Variants in ARFIP2 observed in about 807,000 individuals in gnomAD.
The protein encoded by ARFIP2 is arfaptin-2.
A neutral mutation model predicts 39.2 loss-of-function variants in ARFIP2; 14 were observed. The ratio of observed to expected loss-of-function variants is 0.36; its 90% CI spans 0.24 to 0.56. ARFIP2 has a LOEUF of 0.56. Ranked by LOEUF, ARFIP2 falls within the 20% of genes least tolerant of loss-of-function variation. ARFIP2 has a pLI of 0.85. For synonymous variants in ARFIP2, 167 were observed against 172.4 expected, an observed-to-expected ratio of 0.97 and a Z score of 0.24; for missense variants, 305 against 422.5, an observed-to-expected ratio of 0.72 and a Z score of 2.44.
chr11:6,480,992 C>A (rs142588031), intron 1 of ARFIP2: 131 of 178,760 alleles, frequency 7.3e-4, no homozygotes, highest in African/African-American at 3.0e-3. Flanking sequence ...CCCTCCCCAC[C>A]AGGCCTTAGT....
At position 6,477,034 on chromosome 11, in the gene ARFIP2, G is replaced by A; in HGVS notation, c.*79C>T. 6.8e-7 allele frequency: 1 copy of A among 1,464,002 alleles called. No homozygotes were observed. Among genetic ancestry groups the A allele is most frequent in the East Asian group, 2.4e-5 (1 of 41,134 alleles). The allele number at this position is 1,464,002 out of a possible 1,614,324, so 90.7% of individuals were successfully genotyped here. A position where few individuals can be genotyped will look rare whatever the true frequency, so the allele number is the denominator to read the frequency against. ...AGCCAGAGGGCAAGTGACAAAGGATGTACCATGTCCAATCTCCCACACCCT... is the reference window on the plus strand; with the variant it reads ...AGCCAGAGGGCAAGTGACAAAGGATATACCATGTCCAATCTCCCACACCCT... On this transcript the variant is annotated 3_prime_UTR_variant, in exon 8 of 8. Coordinates refer to ENST00000396777, the MANE Select transcript of ARFIP2 (RefSeq NM_001376558.2). This position sits in a 1 kb window ranked among gnomAD's most constrained non-coding sequence, Gnocchi z 4.8.
intron 3 of ARFIP2, chr11:6,479,602 CT>C: frequency 1.8e-6 from 1 of 568,164 alleles, no homozygotes; most frequent in Non-Finnish European, 3.1e-6. Context: ...CATGTGGAAT[CT>C]TAGTGTGAGA....
At position 6,481,281 on chromosome 11, in the gene ARFIP2, G is replaced by A. The variant is rs1851743710; in HGVS notation, c.-93C>T. 1 of 641,726 alleles carries A rather than the reference G, an allele frequency of 1.6e-6. No individual in the cohort carries two copies. The highest frequency in any genetic ancestry group is 2.7e-6 in the Non-Finnish European group (1 of 375,830). 39.8% of individuals were successfully genotyped at this position (641,726 alleles called of 1,614,324 possible). ...AGGGCGCCAGGCCCGGGCCGCGCGG[G>A]GACCTCGGGCTCCAGTTCCCGTCGC... is the stretch of plus-strand genomic sequence containing the variant. On this transcript the variant is annotated 5_prime_UTR_variant, in exon 1 of 8. Transcript: ENST00000396777.
In ARFIP2 at chr11:6,477,080, C is replaced by A. The variant is rs1462025610; in HGVS notation, c.*33G>T. ...ACCCTGGGGCTGCCCTTCCCAATGT[C>A]TTTCTTGATAGCCAAGTTGGGCTGG... On this transcript the variant is annotated 3_prime_UTR_variant, in exon 8 of 8. Coordinates refer to ENST00000396777, the MANE Select transcript of ARFIP2 (RefSeq NM_001376558.2). The surrounding 1 kb of genome is among the most constrained non-coding windows in gnomAD (Gnocchi z 4.8). 3.1e-6 allele frequency: 5 copies of A among 1,590,986 alleles called. No homozygotes were observed. Among genetic ancestry groups the A allele is most frequent in the African/African-American group, 2.7e-5 (2 of 74,514 alleles).
rs972311713 is a variant in ARFIP2, at chr11:6,478,268, T to A, written c.538-70A>T. On this transcript the variant is annotated intron_variant, in intron 5 of 7. Transcript: ENST00000396777. This position sits in a 1 kb window ranked among gnomAD's most constrained non-coding sequence, Gnocchi z 4.8. ...CTGACTGAAGCTGTAGAGCCCTTCA[T>A]TCCCCTCCTCCCCGGGGAGGACACA... 4 of 1,564,106 alleles carry A rather than the reference T, an allele frequency of 2.6e-6. No individual in the cohort carries two copies. Among genetic ancestry groups the A allele is most frequent in the Non-Finnish European group, 3.5e-6 (4 of 1,141,518 alleles).
Position 6,478,953 on chromosome 11 carries a change from T to G in ARFIP2, c.322A>C (p.Lys108Gln). ...KWGINTYKCTKQLLSERFGRG... is the reference protein window; with the variant it reads ...KWGINTYKCTQQLLSERFGRG... ...CCAAATCGTTCTGATAACAGTTGCT[T>G]TGTGCACTGATTGGGAAATGGGGGA... Residue 108 changes from lysine (K) to glutamine (Q), a missense_variant, in exon 5 of 8, where the codon AAG becomes CAG. By Grantham distance (53) the Lys-to-Gln change is moderately conservative. This residue lies in a region of ARFIP2 where 151 missense variants were observed against 203.1 expected (regional missense o/e 0.74). Coordinates refer to ENST00000396777, the MANE Select transcript of ARFIP2 (RefSeq NM_001376558.2). The surrounding 1 kb of genome is among the most constrained non-coding windows in gnomAD (Gnocchi z 4.8). The G allele has an allele frequency of 6.2e-7, 1 of 1,613,964 alleles. No homozygotes were observed. The highest frequency in any genetic ancestry group is 8.5e-7 in the Non-Finnish European group (1 of 1,179,870).
At position 6,477,380 on chromosome 11, in the gene ARFIP2, T is replaced by C. The variant is rs1003293859; in HGVS notation, c.871-112A>G. The C allele has an allele frequency of 6.2e-6, 8 of 1,299,044 alleles. No individual in the cohort carries two copies. The highest frequency in any genetic ancestry group is 2.7e-4 in the Middle Eastern group (1 of 3,672). The allele number at this position is 1,299,044 out of a possible 1,614,324, so 80.5% of individuals were successfully genotyped here. A position where few individuals can be genotyped will look rare whatever the true frequency, so the allele number is the denominator to read the frequency against. ...CACAAGGACTCTGCTCTGATGGTGC[T>C]TTTGGGGTAGGGGCTGAACTCTACC... On this transcript the variant is annotated intron_variant, in intron 7 of 7. Transcript: ENST00000396777. This position sits in a 1 kb window ranked among gnomAD's most constrained non-coding sequence, Gnocchi z 4.8.
At chr11:6,481,000 AGTTAGATC>A (rs1851698262) in intron 1 of ARFIP2, 1 of 187,694 alleles carries the variant, frequency 5.3e-6, no homozygotes, top group Non-Finnish European at 1.1e-5. Context: ...ACCAGGCCTT[AGTTAGATC>A]AGTGGGTGTA....
At chr11:6,480,576 C>T in intron 1 of ARFIP2, 113 bp from the exon 2 acceptor site, 1 of 595,868 alleles carries the variant, frequency 1.7e-6, no homozygotes, top group Non-Finnish European at 2.9e-6. Flanking sequence ...CAGCGTTTGG[C>T]CATCATTCCT....
intron 3 of ARFIP2, 188 bp from the exon 4 acceptor site, chr11:6,479,446 T>C (rs1321718240): frequency 1.8e-6 from 2 of 1,111,594 alleles, no homozygotes; most frequent in African/African-American, 3.1e-5. Context: ...CTGATATACA[T>C]ATGGCCTCCT....
intron 3 of ARFIP2, chr11:6,479,605 A>C: frequency 1.8e-6 from 1 of 567,844 alleles, no homozygotes; most frequent in Non-Finnish European, 3.1e-6. Context: ...GTGGAATCTT[A>C]GTGTGAGATT....
Position 6,478,542 on chromosome 11 carries a change from C to G in ARFIP2, c.537+196G>C. 7.0e-7 allele frequency: 1 copy of G among 1,426,360 alleles called. No individual in the cohort carries two copies. 88.4% of individuals were successfully genotyped at this position (1,426,360 alleles called of 1,614,324 possible). A position where few individuals can be genotyped will look rare whatever the true frequency, so the allele number is the denominator to read the frequency against. On this transcript the variant is annotated intron_variant, in intron 5 of 7. Transcript: ENST00000396777. This position sits in a 1 kb window ranked among gnomAD's most constrained non-coding sequence, Gnocchi z 4.8. ...TTGTGAGGCACCTAGTGTGCCCCCT[C>G]CCCCACCCCCTCCAACTTCTGGACC...
In ARFIP2 at chr11:6,478,566, C is replaced by A. The variant is rs1484129413; in HGVS notation, c.537+172G>T. 3.5e-6 allele frequency: 5 copies of A among 1,439,250 alleles called. No individual in the cohort carries two copies. Among genetic ancestry groups the A allele is most frequent in the Non-Finnish European group, 4.5e-6 (5 of 1,100,082 alleles). 89.2% of individuals were successfully genotyped at this position (1,439,250 alleles called of 1,614,324 possible). A position where few individuals can be genotyped will look rare whatever the true frequency, so the allele number is the denominator to read the frequency against. On this transcript the variant is annotated intron_variant, in intron 5 of 7. Transcript: ENST00000396777. The surrounding 1 kb of genome is among the most constrained non-coding windows in gnomAD (Gnocchi z 4.8). ...TCCCCCACCCCCTCCAACTTCTGGACCTCTGTACAAACCCTTAGGCTGCCT... is the reference window on the plus strand; with the variant it reads ...TCCCCCACCCCCTCCAACTTCTGGAACTCTGTACAAACCCTTAGGCTGCCT...
chr11:6,479,925 T>A, intron 3 of ARFIP2, 47 bp downstream of exon 3: 1 of 1,565,574 alleles, frequency 6.4e-7, no homozygotes, highest in South Asian at 1.1e-5. Context: ...CCCAAACCAT[T>A]CCTGTCCCCT....
rs1851132428 is a variant in ARFIP2 at position 6,476,913 on chromosome 11, T to C, written c.*200A>G. On this transcript the variant is annotated 3_prime_UTR_variant, in exon 8 of 8. Transcript: ENST00000396777. Reference sequence around the variant, plus strand: ...GAATGAAGCCCTGTGGCCAGGAAGATAGACAGGGCAGCAACTTCTGGGCCT... The same window carrying C: ...GAATGAAGCCCTGTGGCCAGGAAGACAGACAGGGCAGCAACTTCTGGGCCT... 5.3e-6 allele frequency: 3 copies of C among 565,246 alleles called. No individual in the cohort carries two copies. Among genetic ancestry groups the C allele is most frequent in the Admixed American group, 6.7e-5 (2 of 29,870 alleles). The allele number at this position is 565,246 out of a possible 1,614,324, so 35.0% of individuals were successfully genotyped here. A position where few individuals can be genotyped will look rare whatever the true frequency, so the allele number is the denominator to read the frequency against.
chr11:6,479,305 A>G (rs1300224059), intron 3 of ARFIP2, 47 bp from the exon 4 acceptor site: 1 of 1,613,220 alleles, frequency 6.2e-7, no homozygotes, highest in Non-Finnish European at 8.5e-7. Context: ...GATACACCAG[A>G]CACCTCTGTG....
chr11:6,481,243 C>A lies in ARFIP2; in HGVS notation c.-55G>T. The A allele has an allele frequency of 1.7e-6, 1 of 590,534 alleles. No homozygotes were observed. Among genetic ancestry groups the A allele is most frequent in the East Asian group, 2.8e-5 (1 of 35,228 alleles). 36.6% of individuals were successfully genotyped at this position (590,534 alleles called of 1,614,324 possible). On this transcript the variant is annotated 5_prime_UTR_variant, in exon 1 of 8. Coordinates refer to ENST00000396777, the MANE Select transcript of ARFIP2 (RefSeq NM_001376558.2). ...ATGTTCCTCTCACCTCGGGCCGGGC[C>A]GCTCTTCCCCTCAGGGCGCCAGGCC...
chr11:6,477,155 C>A lies in ARFIP2; in HGVS notation c.984G>T (p.Arg328=). The part of the protein sequence containing the change: ...QTLQQFNIKL[R]PPGAEKPSWL... ...AGGAGGGTTTCTCAGCTCCTGGAGG[C>A]CGCAGCTTGATGTTGAACTGCTGCA... The change falls in exon 8 of 8, where the codon CGG becomes CGT. Residue 328 remains arginine, a synonymous_variant. Transcript: ENST00000396777. This position sits in a 1 kb window ranked among gnomAD's most constrained non-coding sequence, Gnocchi z 4.8. 6.2e-7 allele frequency: 1 copy of A among 1,611,760 alleles called. No homozygotes were observed. Among genetic ancestry groups the A allele is most frequent in the Non-Finnish European group, 8.5e-7 (1 of 1,178,768 alleles).
At chr11:6,480,171 A>G (rs1026097812) in intron 2 of ARFIP2, 103 bp from the exon 3 acceptor site, 69 of 1,295,694 alleles carry the variant, frequency 5.3e-5, no homozygotes, top group Non-Finnish European at 7.3e-5. Flanking sequence ...GATAGTACAC[A>G]AGGGAAGTCT....
Sources: gnomAD v4.1 joint callset for allele counts on GRCh38, gnomAD v4.1.1 for gene constraint, gnomAD v4.1.1 regional missense constraint, Gnocchi (gnomAD v3.1) non-coding constraint, MANE v1.5 for transcripts, NCBI Gene and HGNC (gene_info 2026-07-23, HGNC 2026-07-21) for gene names.